Variants in SLC13A3 observed in about 807,000 individuals in gnomAD.
SLC13A3 encodes the protein Na(+)/dicarboxylate cotransporter 3.
SLC13A3 carries 40 observed loss-of-function variants against 59.0 expected under a neutral mutation model. That is an observed-to-expected ratio of 0.68 (90% CI 0.53 to 0.88). SLC13A3 has a LOEUF of 0.88. SLC13A3 is among the 40% of genes least tolerant of loss of function. SLC13A3 has a pLI of 0.00. For synonymous variants in SLC13A3, 317 were observed against 330.3 expected, an observed-to-expected ratio of 0.96 and a Z score of 0.44; for missense variants, 699 against 783.2, an observed-to-expected ratio of 0.89 and a Z score of 1.28.
At chr20:46,604,698 A>C (rs1255349546) in intron 3 of SLC13A3, among the ~76,000 whole-genome samples, 1 of 152,150 alleles carries the variant, frequency 6.6e-6, no homozygotes, top group African/African-American at 2.4e-5. Flanking sequence ...AGGGGCCTGA[A>C]GATGAAAGTT....
chr20:46,640,320 A>C (rs2062835674), intron 1 of SLC13A3, among the ~76,000 whole-genome samples: 2 of 152,054 alleles, frequency 1.3e-5, no homozygotes, highest in East Asian at 3.9e-4. Flanking sequence ...GAGTAGAGCT[A>C]AAAGGGTGGG....
At chr20:46,632,034 T>A (rs1254746124) in intron 1 of SLC13A3, among the ~76,000 whole-genome samples, 1 of 152,148 alleles carries the variant, frequency 6.6e-6, no homozygotes, top group Non-Finnish European at 1.5e-5. Flanking sequence ...CTGGCATTTT[T>A]GTCAGGGCAC....
Position 46,591,256 on chromosome 20 carries a change from C to T in SLC13A3, c.920+1148G>A, listed in dbSNP as rs150457506. Among the ~76,000 whole-genome samples the T allele has an allele frequency of 3.4e-4, 52 of 152,272 alleles. 2 individuals carry two copies. The East Asian group carries it at 9.8e-3, about 29-fold the overall frequency. Reference sequence around the variant, plus strand: ...CTAGAAAAAGATATCTATGTCTGCTCATATTTGCTTAAGAAAACTCTGGAA... The same window carrying T: ...CTAGAAAAAGATATCTATGTCTGCTTATATTTGCTTAAGAAAACTCTGGAA... On this transcript the variant is annotated intron_variant, in intron 6 of 12. Coordinates refer to ENST00000279027, the MANE Select transcript of SLC13A3 (RefSeq NM_022829.6).
At chr20:46,675,062 C>T (rs1238682288), upstream of SLC13A3, among the ~76,000 whole-genome samples, 1 of 151,840 alleles carries the variant, frequency 6.6e-6, no homozygotes, top group Non-Finnish European at 1.5e-5. Flanking sequence ...GGAACAGCTG[C>T]TATGAAGGCC....
upstream of SLC13A3, among the ~76,000 whole-genome samples, chr20:46,656,288 T>TA (rs2062990402): frequency 1.3e-5 from 1 of 77,412 alleles, no homozygotes; most frequent in African/African-American, 3.4e-5. Context: ...TATTATACTG[T>TA]ATATAATATA....
intron 10 of SLC13A3, among the ~76,000 whole-genome samples, chr20:46,566,668 C>T (rs1369625104): frequency 6.6e-6 from 1 of 152,088 alleles, no homozygotes; most frequent in Admixed American, 6.5e-5. Context: ...TTGGTTCTAG[C>T]ACCCCTAAGC....
chr20:46,592,559 C>G, intron 5 of SLC13A3, 30 bp from the exon 6 acceptor site: 2 of 1,611,796 alleles, frequency 1.2e-6, no homozygotes, highest in Middle Eastern at 1.7e-4. Context: ...GAGAACAGGC[C>G]AAGGGCAGCC....
Position 46,588,053 on chromosome 20 carries a change from T to A in SLC13A3, c.1121+6A>T. The A allele has an allele frequency of 2.5e-6, 4 of 1,576,494 alleles. No homozygotes were observed. The highest frequency in any genetic ancestry group is 3.5e-6 in the Non-Finnish European group (4 of 1,152,336). ...GACTCCTCCCTGTGGGTCCCCAGAG[T>A]CTCACCCAGGATTGAAGAGGCTGGC... On this transcript the variant is annotated splice_donor_region_variant and intron_variant, in intron 8 of 12. Coordinates refer to ENST00000279027, the MANE Select transcript of SLC13A3 (RefSeq NM_022829.6).
chr20:46,579,078 C>T (rs1030429397), intron 9 of SLC13A3, among the ~76,000 whole-genome samples: 3 of 152,074 alleles, frequency 2.0e-5, no homozygotes, highest in Non-Finnish European at 4.4e-5. Flanking sequence ...GCTTGAATGC[C>T]TGGTTCTATG....
chr20:46,645,384 C>G (rs2062884071), intron 1 of SLC13A3, among the ~76,000 whole-genome samples: 1 of 152,206 alleles, frequency 6.6e-6, no homozygotes, highest in Non-Finnish European at 1.5e-5. Flanking sequence ...ACTATTCAGC[C>G]AGCCACATGC....
chr20:46,643,451 G>A (rs911395586), intron 1 of SLC13A3, among the ~76,000 whole-genome samples: 19 of 152,168 alleles, frequency 1.2e-4, no homozygotes, highest in Admixed American at 9.2e-4. Flanking sequence ...TTCAGAACGA[G>A]GGGGCTGCAA....
chr20:46,590,418 T>C (rs888072788), intron 6 of SLC13A3, among the ~76,000 whole-genome samples: 1 of 152,092 alleles, frequency 6.6e-6, no homozygotes, highest in Non-Finnish European at 1.5e-5. Flanking sequence ...GCTTCTATTG[T>C]AGAATAAGCA....
At chr20:46,669,280 C>T (rs1568965140) in intron 1 of SLC13A3, among the ~76,000 whole-genome samples, 1 of 151,652 alleles carries the variant, frequency 6.6e-6, no homozygotes, top group Non-Finnish European at 1.5e-5. Flanking sequence ...CCTCGTGGAC[C>T]CCCCGCCCTG....
At chr20:46,626,107 CTCTCTCTCTCTCTCTG>C (rs1378582304) in intron 1 of SLC13A3, among the ~76,000 whole-genome samples, 187 of 151,304 alleles carry the variant, frequency 1.2e-3, no homozygotes, top group African/African-American at 3.4e-3. Flanking sequence ...TTCTCTCTCT[CTCTCTCTCTCTCTCTG>C]TCTCTCTCTC....
At chr20:46,655,935 C>CTG (rs1320494115), upstream of SLC13A3, among the ~76,000 whole-genome samples, 9 of 137,738 alleles carry the variant, frequency 6.5e-5, no homozygotes, top group South Asian at 4.5e-4. Flanking sequence ...ATATAATATA[C>CTG]TACAGTATAT....
At chr20:46,583,708 T>C (rs200925574) in intron 8 of SLC13A3, 39 bp from the exon 9 acceptor site, 73 of 1,612,790 alleles carry the variant, frequency 4.5e-5, no homozygotes, top group Non-Finnish European at 6.0e-5. Context: ...ACCATGGGCA[T>C]CTCAGCGGGC....
chr20:46,585,324 T>TAA, intron 8 of SLC13A3: 6 of 998,316 alleles, frequency 6.0e-6, no homozygotes, highest in Non-Finnish European at 7.2e-6. Flanking sequence ...CAGTGGGACA[T>TAA]AAAGTGGATA....
At chr20:46,599,613 G>A (rs1191115515) in intron 4 of SLC13A3, among the ~76,000 whole-genome samples, 3 of 151,908 alleles carry the variant, frequency 2.0e-5, no homozygotes, top group Non-Finnish European at 4.4e-5. Context: ...GAATTTTTTT[G>A]TCTGTATGGA....
In SLC13A3 at chr20:46,561,953, C is replaced by T. The variant is rs568317775; in HGVS notation, c.1632+1461G>A. On this transcript the variant is annotated intron_variant, in intron 12 of 12. Transcript: ENST00000279027. Reference sequence around the variant, plus strand: ...CGAACCTGCAGGTGGGCCATCCCTGCCCGGGACTGGCTGACCGGGGGTGCC... The same window carrying T: ...CGAACCTGCAGGTGGGCCATCCCTGTCCGGGACTGGCTGACCGGGGGTGCC... Among the ~76,000 whole-genome samples, 68 of 152,302 alleles carry T rather than the reference C, an allele frequency of 4.5e-4. 1 individual carries two copies. Among genetic ancestry groups the T allele is most frequent in the African/African-American group, 1.5e-3 (63 of 41,582 alleles).
Sources: allele counts gnomAD v4.1 joint callset (sites outside exome capture counted in the v4.1 genomes callset), GRCh38; gene constraint gnomAD v4.1.1; transcripts MANE v1.5; gene names NCBI Gene and HGNC (gene_info 2026-07-23, HGNC 2026-07-21).